Variants in CDH26 observed in about 807,000 individuals in gnomAD.
CDH26 encodes the protein cadherin 26, also known as cadherin-like protein 26.
A neutral mutation model predicts 90.3 loss-of-function variants in CDH26; 83 were observed. The ratio of observed to expected loss-of-function variants is 0.92; its 90% CI spans 0.77 to 1.10. CDH26 has a LOEUF of 1.10. Ranked by LOEUF, CDH26 falls within the 50% of genes least tolerant of loss-of-function variation. CDH26 has a pLI of 0.00. For synonymous variants in CDH26, 397 were observed against 396.3 expected (o/e 1.00, Z -0.02); for missense variants, 1,013 against 1,037.6 (o/e 0.98, Z 0.33).
At chr20:60,032,548 C>A (rs57285899) in intron 8 of CDH26, among the ~76,000 whole-genome samples, 3 of 151,998 alleles carry the variant, frequency 2.0e-5, no homozygotes, top group Non-Finnish European at 2.9e-5. Flanking sequence ...CACATGCACA[C>A]GTATGTTTAT....
At chr20:59,994,607 C>A in intron 11 of CDH26, 118 bp downstream of exon 11, 1 of 1,293,704 alleles carries the variant, frequency 7.7e-7, no homozygotes, top group Non-Finnish European at 1.1e-6. Context: ...TGCGTTCTGG[C>A]AGAGCTGGCT....
exon 9 of CDH26, chr20:60,033,571 C>A: frequency 7.7e-7 from 1 of 1,304,574 alleles, no homozygotes; most frequent in Non-Finnish European, 1.0e-6. Flanking sequence ...GGGTTCGAGT[C>A]CAGAGTGCGC....
downstream of CDH26, among the ~76,000 whole-genome samples, chr20:60,035,299 C>G (rs1050373239): frequency 2.6e-5 from 4 of 152,182 alleles, no homozygotes; most frequent in African/African-American, 9.7e-5. Context: ...TGTTAGGATA[C>G]AGTCCTAGCA....
chr20:60,015,527 A>G (rs1451734080), downstream of CDH26, among the ~76,000 whole-genome samples: 1 of 152,028 alleles, frequency 6.6e-6, no homozygotes, highest in African/African-American at 2.4e-5. Flanking sequence ...CCAGATAATA[A>G]CCCCTTATTG....
chr20:60,005,470 G>A (rs2061734623), intron 16 of CDH26, among the ~76,000 whole-genome samples: 1 of 146,548 alleles, frequency 6.8e-6, no homozygotes, highest in Non-Finnish European at 1.5e-5. Flanking sequence ...ATGTGCATGT[G>A]TATATATCTG....
intron 8 of CDH26, among the ~76,000 whole-genome samples, chr20:60,031,870 T>G (rs2062042041): frequency 6.6e-6 from 1 of 152,206 alleles, no homozygotes; most frequent in African/African-American, 2.4e-5. Context: ...TCATGCGATT[T>G]GTAAATCAAG....
rs762389051 is a variant in CDH26 at position 59,971,959 on chromosome 20, C to T, written c.232-3C>T. Reference sequence around the variant, plus strand: ...TTCTTCTTTCCATTTTTCCTCCTTCCAGCTGTTCAATAATATGTCTTATAA... The same window carrying T: ...TTCTTCTTTCCATTTTTCCTCCTTCTAGCTGTTCAATAATATGTCTTATAA... On this transcript the variant is annotated splice_polypyrimidine_tract_variant and splice_region_variant and intron_variant, in intron 3 of 17. Transcript: ENST00000348616. 6.2e-7 allele frequency: 1 copy of T among 1,609,520 alleles called. No homozygotes were observed. Among genetic ancestry groups the T allele is most frequent in the Non-Finnish European group, 8.5e-7 (1 of 1,177,354 alleles).
chr20:59,998,102 T>C (rs1461009666), intron 13 of CDH26, among the ~76,000 whole-genome samples: 1 of 152,230 alleles, frequency 6.6e-6, no homozygotes, highest in East Asian at 1.9e-4. Context: ...TGATTTGTTG[T>C]GTAATTTTAA....
intron 1 of CDH26, among the ~76,000 whole-genome samples, chr20:59,959,132 G>C (rs1364617903): frequency 6.6e-6 from 1 of 152,086 alleles, no homozygotes; most frequent in Non-Finnish European, 1.5e-5. Context: ...ACAGGGTCTG[G>C]CTTCATCATC....
intron 6 of CDH26, 60 bp downstream of exon 6, chr20:59,984,865 G>T (rs1042706327): frequency 4.5e-6 from 7 of 1,568,086 alleles, no homozygotes; most frequent in Non-Finnish European, 6.1e-6. Flanking sequence ...TGAGCCCCAG[G>T]CTTAGATTCT....
chr20:60,031,461 T>C, intron 8 of CDH26: 5 of 1,050,242 alleles, frequency 4.8e-6, no homozygotes, highest in East Asian at 1.0e-4. Context: ...GTACTAGATT[T>C]CTCCTTTTAA....
intron 4 of CDH26, among the ~76,000 whole-genome samples, chr20:59,981,200 G>A (rs1049973107): frequency 6.6e-6 from 1 of 152,040 alleles, no homozygotes; most frequent in African/African-American, 2.4e-5. Flanking sequence ...TTTTCAAAAT[G>A]ATTTTGCGTA....
rs534320952 is a variant in CDH26, at chr20:59,961,248, G to A, written c.69+2453G>A. ...AGACCTGAATTCTCTTCCCTCTGGC[G>A]TATTAGTGCAGTGCCAAAGCAAATT... On this transcript the variant is annotated intron_variant, in intron 1 of 17. Coordinates refer to ENST00000348616, the MANE Select transcript of CDH26 (RefSeq NM_177980.4). Among the ~76,000 whole-genome samples, 11 of 146,596 alleles carry A rather than the reference G, an allele frequency of 7.5e-5. 1 individual carries two copies. The highest frequency in any genetic ancestry group is 3.5e-3 in the Middle Eastern group (1 of 288).
chr20:60,032,099 T>C (rs1256532367), intron 8 of CDH26, among the ~76,000 whole-genome samples: 2 of 152,236 alleles, frequency 1.3e-5, no homozygotes, highest in South Asian at 2.1e-4. Context: ...AGCCCAAGCT[T>C]TGCAATGTGT....
intron 8 of CDH26, among the ~76,000 whole-genome samples, chr20:60,032,679 T>C (rs2062049323): frequency 6.6e-6 from 1 of 151,684 alleles, no homozygotes; most frequent in Admixed American, 6.6e-5. Context: ...TAAAAAAGGG[T>C]GAGTTCATGT....
rs1303666346 is a variant in CDH26 at position 59,982,988 on chromosome 20, T to A, written c.459T>A (p.Ile153=). ...KIVDTSLIFN[I]RISDVNDHAP... is the part of the protein sequence containing the mutation. ...TGGATACATCCTTGATTTTCAACAT[T>A]AGGATCAGTGATGTGAATGATCATG... Residue 153 remains isoleucine, a synonymous_variant, in exon 5 of 18, where the codon ATT becomes ATA. Coordinates refer to ENST00000348616, the MANE Select transcript of CDH26 (RefSeq NM_177980.4). The A allele has an allele frequency of 6.2e-7, 1 of 1,614,074 alleles. No homozygotes were observed. Among genetic ancestry groups the A allele is most frequent in the Non-Finnish European group, 8.5e-7 (1 of 1,179,962 alleles).
Position 59,996,691 on chromosome 20 carries a change from C to G in CDH26, c.1949C>G (p.Ser650Cys). 6.2e-7 allele frequency: 1 copy of G among 1,614,144 alleles called. No individual in the cohort carries two copies. Among genetic ancestry groups the G allele is most frequent in the Non-Finnish European group, 8.5e-7 (1 of 1,179,988 alleles). The change falls in exon 13 of 18, where the codon TCT (serine) becomes TGT (cysteine). Residue 650 changes from serine to cysteine, a missense_variant. Physicochemically the swap from Ser to Cys is moderately radical, Grantham distance 112 (BLOSUM62 -1). Transcript: ENST00000348616. Reference sequence around the variant, plus strand: ...CTTGAACCTAAGAGGCATGGATGCTCTGTATCCAATGATGAAGGCCACCAA... The same window carrying G: ...CTTGAACCTAAGAGGCATGGATGCTGTGTATCCAATGATGAAGGCCACCAA... Reference protein sequence around the residue: ...FVLEPKRHGCSVSNDEGHQTL... With the variant: ...FVLEPKRHGCCVSNDEGHQTL...
chr20:60,028,358 G>A (rs763277649), intron 7 of CDH26, among the ~76,000 whole-genome samples: 1 of 152,242 alleles, frequency 6.6e-6, no homozygotes, highest in Non-Finnish European at 1.5e-5. Context: ...TTAAAAGCCT[G>A]TCTTCCCCAC....
At position 60,013,404 on chromosome 20, in the gene CDH26, T is replaced by A. The variant is rs2061874109; in HGVS notation, c.*674T>A. ...AGTTAGGAGCCTTTGAATGAGTAAGTTCTGATTAGATTTTATCTTTAAACA... is the reference window on the plus strand; with the variant it reads ...AGTTAGGAGCCTTTGAATGAGTAAGATCTGATTAGATTTTATCTTTAAACA... On this transcript the variant is annotated 3_prime_UTR_variant, in exon 18 of 18. Transcript: ENST00000348616. 1 of 152,248 alleles carries A rather than the reference T, an allele frequency of 6.6e-6. No individual in the cohort carries two copies. The highest frequency in any genetic ancestry group is 2.1e-4 in the South Asian group (1 of 4,836). The allele number at this position is 152,248 out of a possible 1,614,324, so 9.4% of individuals were successfully genotyped here. A position where few individuals can be genotyped will look rare whatever the true frequency, so the allele number is the denominator to read the frequency against.
Sources: allele counts gnomAD v4.1 joint callset (sites outside exome capture counted in the v4.1 genomes callset), GRCh38; gene constraint gnomAD v4.1.1; transcripts MANE v1.5; gene names NCBI Gene and HGNC (gene_info 2026-07-23, HGNC 2026-07-21).